Variants in NPIPB2 observed in about 807,000 individuals in gnomAD.
The protein encoded by NPIPB2 is nuclear pore complex interacting protein family member B2, also known as nuclear pore complex-interacting protein family member B2.
NPIPB2 carries 27 observed loss-of-function variants against 30.8 expected under a neutral mutation model. The ratio of observed to expected loss-of-function variants is 0.88; its 90% CI spans 0.65 to 1.21. NPIPB2 has a LOEUF of 1.21. NPIPB2 is among the 50% of genes most tolerant of loss of function. NPIPB2 has a pLI of 0.00. For synonymous variants in NPIPB2, 147 were observed against 162.0 expected (o/e 0.91, Z 0.70); for missense variants, 440 against 446.2 (o/e 0.99, Z 0.13).
intron 1 of NPIPB2, among the ~76,000 whole-genome samples, chr16:11,962,169 G>C (rs937473770): frequency 1.9e-4 from 27 of 138,834 alleles, no homozygotes; most frequent in Admixed American, 4.0e-4. Context: ...CTGCACTCCA[G>C]CCTGGGCAAT....
intron 1 of NPIPB2, among the ~76,000 whole-genome samples, chr16:11,957,398 C>T (rs914122298): frequency 5.3e-5 from 8 of 152,044 alleles, no homozygotes; most frequent in Non-Finnish European, 8.8e-5. Context: ...CTCCTGACCT[C>T]GTGACCCACC....
At position 11,965,833 on chromosome 16, in the gene NPIPB2, C is replaced by T. The variant is rs3928318; in HGVS notation, c.-584+10735G>A. On this transcript the variant is annotated intron_variant, in intron 1 of 5. Coordinates refer to the NPIPB2 transcript ENST00000538896. Reference sequence around the variant, plus strand: ...AATAATCAAGTATGACAGCCGGGTGCGGTGGATGGCTCACACCTGTAATCC... The same window carrying T: ...AATAATCAAGTATGACAGCCGGGTGTGGTGGATGGCTCACACCTGTAATCC... Among the ~76,000 whole-genome samples, 8 of 152,100 alleles carry T rather than the reference C, an allele frequency of 5.3e-5. No homozygotes were observed. The South Asian group carries it at 1.2e-3, about 24-fold the overall frequency.
At chr16:11,927,568 T>A in exon 8 of NPIPB2, 1 of 1,607,980 alleles carries the variant, frequency 6.2e-7, no homozygotes, top group South Asian at 1.1e-5. Context: ...TGGGTGGTTT[T>A]TCTGCCTCAG....
intron 1 of NPIPB2, among the ~76,000 whole-genome samples, chr16:11,958,601 C>T (rs2055132882): frequency 6.6e-6 from 1 of 151,950 alleles, no homozygotes; most frequent in African/African-American, 2.4e-5. Context: ...CCTAGCCAGG[C>T]AAGATGGCAT....
At chr16:11,974,918 A>T (rs2055260914) in intron 1 of NPIPB2, among the ~76,000 whole-genome samples, 1 of 151,714 alleles carries the variant, frequency 6.6e-6, no homozygotes, top group African/African-American at 2.4e-5. Context: ...CTAAAAAAAT[A>T]CAAAAAATTA....
chr16:11,933,907 A>G, exon 3 of NPIPB2: 2 of 1,550,976 alleles, frequency 1.3e-6, no homozygotes, highest in South Asian at 2.2e-5. Flanking sequence ...ACTGGAAGAT[A>G]GTCTTCAGGA....
intron 1 of NPIPB2, among the ~76,000 whole-genome samples, chr16:11,962,011 G>A (rs1295668506): frequency 1.3e-5 from 2 of 151,728 alleles, no homozygotes; most frequent in Non-Finnish European, 2.9e-5. Context: ...ACCAGCCTGG[G>A]CAACATGATG....
chr16:11,938,322 T>G (rs532207004), intron 1 of NPIPB2, among the ~76,000 whole-genome samples: 10 of 149,912 alleles, frequency 6.7e-5, no homozygotes, highest in Non-Finnish European at 1.5e-4. Context: ...GGCCATTTTT[T>G]TGTTTTTGTT....
chr16:11,937,226 G>A (rs1450817327), intron 2 of NPIPB2, among the ~76,000 whole-genome samples: 1 of 152,170 alleles, frequency 6.6e-6, no homozygotes, highest in Non-Finnish European at 1.5e-5. Context: ...CTATAAAGCA[G>A]AAGAGTTTAG....
chr16:11,973,861 G>C (rs2055251144), intron 1 of NPIPB2, among the ~76,000 whole-genome samples: 1 of 152,182 alleles, frequency 6.6e-6, no homozygotes, highest in Admixed American at 6.6e-5. Flanking sequence ...TATGGGACTG[G>C]GGAGAAGAGG....
intron 1 of NPIPB2, chr16:11,965,558 T>C: frequency 2.4e-6 from 3 of 1,239,980 alleles, no homozygotes; most frequent in Non-Finnish European, 3.3e-6. Context: ...GTGAGTTTTC[T>C]TGAATCAAAA....
chr16:11,976,301 A>T (rs2055295469), intron 1 of NPIPB2, among the ~76,000 whole-genome samples: 1 of 152,156 alleles, frequency 6.6e-6, no homozygotes, highest in South Asian at 2.1e-4. Context: ...CTCCTTATGG[A>T]ACACTTTCCC....
chr16:11,970,265 T>C (rs909648912), intron 1 of NPIPB2, among the ~76,000 whole-genome samples: 8 of 152,174 alleles, frequency 5.3e-5, no homozygotes, highest in Admixed American at 6.5e-5. Context: ...CAGGCTGGAA[T>C]GCAGTTGTGC....
intron 2 of NPIPB2, among the ~76,000 whole-genome samples, chr16:11,937,023 C>T (rs915345626): frequency 6.6e-6 from 1 of 151,854 alleles, no homozygotes; most frequent in Non-Finnish European, 1.5e-5. Flanking sequence ...ATCTATCTCC[C>T]TCTCCCCTCA....
At chr16:11,971,458 T>TGGGGGGGGGGGGGGGGG (rs1567481249) in intron 1 of NPIPB2, among the ~76,000 whole-genome samples, 1 of 86,954 alleles carries the variant, frequency 1.2e-5, no homozygotes, top group African/African-American at 4.4e-5. Flanking sequence ...GGTGGGGGGG[T>TGGGGGGGGGGGGGGGGG]GGGTGGTTCC....
chr16:11,958,422 C>T lies in NPIPB2; in HGVS notation c.-583-16308G>A, dbSNP rs979093782. 2.1e-5 allele frequency among the ~76,000 whole-genome samples: 3 copies of T among 142,912 alleles called. No homozygotes were observed. In the Admixed American group the frequency reaches 2.2e-4, roughly 10 times the overall value. 93.8% of individuals were successfully genotyped at this position (142,912 alleles called of 152,430 possible). A position where few individuals can be genotyped will look rare whatever the true frequency, so the allele number is the denominator to read the frequency against. ...CAGCCTGGATGACAGAGCGAGACTC[C>T]GTTAAAAAAAAAAAAAAAAATCCTA... On this transcript the variant is annotated intron_variant, in intron 1 of 5. Coordinates refer to the NPIPB2 transcript ENST00000538896.
At position 11,971,172 on chromosome 16, in the gene NPIPB2, C is replaced by T. The variant is rs896219734; in HGVS notation, c.-584+5396G>A. 5.0e-4 allele frequency among the ~76,000 whole-genome samples: 76 copies of T among 152,092 alleles called. 1 individual carries two copies. Among genetic ancestry groups the T allele is most frequent in the African/African-American group, 1.7e-3 (72 of 41,506 alleles). ...ACGCCTGGCCTAAAATCAGCATTTT[C>T]ATCTGCTACATTGTTGTGTGCTAGG... is the stretch of plus-strand genomic sequence containing the variant. On this transcript the variant is annotated intron_variant, in intron 1 of 5. Coordinates refer to the NPIPB2 transcript ENST00000538896.
At chr16:11,937,388 A>G (rs2054882377) in intron 2 of NPIPB2, among the ~76,000 whole-genome samples, 152 bp downstream of exon 2, 2 of 152,224 alleles carry the variant, frequency 1.3e-5, no homozygotes, top group South Asian at 2.1e-4. Flanking sequence ...AATGGCAGAT[A>G]TTTTCATAAT....
upstream of NPIPB2, among the ~76,000 whole-genome samples, chr16:11,947,040 T>TTA (rs57486204): frequency 0.11 from 15,253 of 139,726 alleles, 1,016 homozygotes; most frequent in African/African-American, 0.19. Context: ...ACTATTTGAA[T>TTA]TATATATATA....
Sources: gnomAD v4.1 joint callset for allele counts (sites outside exome capture counted in the v4.1 genomes callset) on GRCh38, gnomAD v4.1.1 for gene constraint, MANE v1.5 for transcripts, NCBI Gene and HGNC (gene_info 2026-07-23, HGNC 2026-07-21) for gene names.